The following POLE variants were observed in gnomAD, a reference collection of about 807,000 sequenced individuals.
The protein encoded by POLE is DNA polymerase epsilon, catalytic subunit.
In POLE, 188 loss-of-function variants were observed where a neutral mutation model predicts 279.2. The observed-to-expected ratio is 0.67, with a 90% CI of 0.60 to 0.76. The LOEUF is 0.76. Among genes scored for constraint, POLE ranks in the 30% least tolerant of loss-of-function variants. POLE has a pLI of 0.00. For synonymous variants in POLE, 1,214 were observed against 1,172.5 expected, an observed-to-expected ratio of 1.04 and a Z score of -0.72; for missense variants, 2,703 against 3,016.7, an observed-to-expected ratio of 0.90 and a Z score of 2.44.
chr12:132,657,717 A>G (rs2138661692), intron 27 of POLE, 151 bp downstream of exon 27: 1 of 689,882 alleles, frequency 1.4e-6, no homozygotes, highest in East Asian at 2.5e-5. Flanking sequence ...TTGCCCTAAA[A>G]GGTTATTAGG....
chr12:132,675,354 C>T lies in POLE; in HGVS notation c.1226+44G>A, dbSNP rs79883120. The T allele has an allele frequency of 2.7e-4, 425 of 1,602,732 alleles. 5 individuals are homozygous for T. The East Asian group carries it at 9.4e-3, about 36-fold the overall frequency. ...GTCTGCAAGAGGCCTTCAGATCTCG[C>T]TCACGGACAGCAGTGAGGAGCCATG... On this transcript the variant is annotated intron_variant, in intron 12 of 48. Coordinates refer to ENST00000320574, the MANE Select transcript of POLE (RefSeq NM_006231.4). This position sits in a 1 kb window ranked among gnomAD's most constrained non-coding sequence, Gnocchi z 4.3.
chr12:132,639,440 C>G lies in POLE; in HGVS notation c.5379-142G>C, dbSNP rs2042097979. 3 of 685,784 alleles carry G rather than the reference C, an allele frequency of 4.4e-6. No homozygotes were observed. Among genetic ancestry groups the G allele is most frequent in the Non-Finnish European group, 7.4e-6 (3 of 403,312 alleles). 42.5% of individuals were successfully genotyped at this position (685,784 alleles called of 1,614,324 possible). A position where few individuals can be genotyped will look rare whatever the true frequency, so the allele number is the denominator to read the frequency against. On this transcript the variant is annotated intron_variant, in intron 39 of 48. Coordinates refer to ENST00000320574, the MANE Select transcript of POLE (RefSeq NM_006231.4). This position sits in a 1 kb window ranked among gnomAD's most constrained non-coding sequence, Gnocchi z 4.7. ...CACTGTCGCCTCCCCTTCTCACTGT[C>G]CCCACCTTAAGTCACGGTCCAAATT...
In POLE at chr12:132,668,887, C is replaced by A. The variant is rs764558974; in HGVS notation, c.1847G>T (p.Arg616Leu). 3.7e-6 allele frequency: 6 copies of A among 1,613,970 alleles called. No homozygotes were observed. Among genetic ancestry groups the A allele is most frequent in the South Asian group, 1.1e-5 (1 of 91,074 alleles). Residue 616 changes from arginine to leucine, a missense_variant, in exon 17 of 49, where the codon CGC becomes CTC. Physicochemically the swap from Arg to Leu is moderately radical, Grantham distance 102 (BLOSUM62 -2). Transcript: ENST00000320574. This position sits in a 1 kb window ranked among gnomAD's most constrained non-coding sequence, Gnocchi z 4.0. ...KLASLKDVPS[R>L]IECPLIYHLD... Reference sequence around the variant, plus strand: ...GTGGTAGATGAGTGGACACTCGATGCGGCTGGGAACGTCCTTCAGGGAGGC... The same window carrying A: ...GTGGTAGATGAGTGGACACTCGATGAGGCTGGGAACGTCCTTCAGGGAGGC...
intron 21 of POLE, 151 bp downstream of exon 21, chr12:132,665,151 C>T: frequency 1.2e-6 from 1 of 848,236 alleles, no homozygotes; most frequent in Non-Finnish European, 1.8e-6. Context: ...TTCAACCTCC[C>T]AGCCCCACCC....
At chr12:132,638,160 C>T in intron 40 of POLE, 21 bp from the exon 41 acceptor site, 1 of 1,612,082 alleles carries the variant, frequency 6.2e-7, no homozygotes, top group East Asian at 2.2e-5. Flanking sequence ...AGTTGAGAGT[C>T]CGTGGTGGAG....
intron 45 of POLE, among the ~76,000 whole-genome samples, chr12:132,630,673 C>T (rs576295185): frequency 1.4e-3 from 215 of 152,254 alleles, no homozygotes; most frequent in African/African-American, 4.9e-3. Context: ...GAGCTGAGAT[C>T]GCGCCACTGC....
rs5744758 is a variant in POLE, at chr12:132,676,609, G to C, written c.846C>G (p.Pro282=). ...LAFDIETTKL[P]LKFPDAETDQ... ...CTGTCTCAGCATCAGGAAACTTGAG[G>C]GGCAGTTTGGTCGTCTCAATGTCAA... Residue 282 remains proline (P), a synonymous_variant, in exon 9 of 49, where the codon CCC becomes CCG. Transcript: ENST00000320574. 6.2e-7 allele frequency: 1 copy of C among 1,613,936 alleles called. No homozygotes were observed.
chr12:132,657,359 G>A lies in POLE; in HGVS notation c.3449C>T (p.Ala1150Val), dbSNP rs2042567693. ...TGACCCCGCCCTTACCTGCTGCAGG[G>A]CCGCAGGGATGGTGATGATCTTCTG... ...AIQKIITIPA[A>V]LQQVKNPVPR... The change falls in exon 28 of 49, where the codon GCC becomes GTC. Residue 1150 changes from alanine to valine, a missense_variant. Physicochemically the swap from Ala to Val is moderately conservative, Grantham distance 64 (BLOSUM62 0). This residue lies in a region of POLE where 1,551 missense variants were observed against 1,686.1 expected (regional missense o/e 0.92). Coordinates refer to ENST00000320574, the MANE Select transcript of POLE (RefSeq NM_006231.4). 1 of 1,613,976 alleles carries A rather than the reference G, an allele frequency of 6.2e-7. No individual in the cohort carries two copies. The highest frequency in any genetic ancestry group is 8.5e-7 in the Non-Finnish European group (1 of 1,180,012).
At chr12:132,669,754 T>C (rs1255361945) in intron 16 of POLE, among the ~76,000 whole-genome samples, 8 of 152,316 alleles carry the variant, frequency 5.3e-5, no homozygotes, top group Admixed American at 4.6e-4. Flanking sequence ...CAAGTTTCCA[T>C]GGTGGGGACA....
At position 132,667,498 on chromosome 12, in the gene POLE, C is replaced by T. The variant is rs1593789825; in HGVS notation, c.2319+5G>A. On this transcript the variant is annotated splice_donor_5th_base_variant and intron_variant, in intron 20 of 48. Coordinates refer to ENST00000320574, the MANE Select transcript of POLE (RefSeq NM_006231.4). ...GGCCAAAGCTTGCAGCCCCTCAGAG[C>T]TCACCTTGTGGAGCCCTTTGAACTC... 6.2e-7 allele frequency: 1 copy of T among 1,613,996 alleles called. No homozygotes were observed. Among genetic ancestry groups the T allele is most frequent in the Non-Finnish European group, 8.5e-7 (1 of 1,179,868 alleles).
chr12:132,669,100 T>C (rs1289407454), intron 16 of POLE, among the ~76,000 whole-genome samples, 161 bp from the exon 17 acceptor site: 3 of 152,188 alleles, frequency 2.0e-5, no homozygotes, highest in Non-Finnish European at 4.4e-5. Context: ...TGCCATCATT[T>C]CTATGAAATA....
chr12:132,654,154 T>C (rs1384451010), intron 29 of POLE, among the ~76,000 whole-genome samples: 4 of 151,948 alleles, frequency 2.6e-5, no homozygotes, highest in African/African-American at 7.3e-5. Context: ...GGTTACCAAA[T>C]GAGCTAAGGG....
chr12:132,668,566 T>A lies in POLE; in HGVS notation c.2027-64A>T, dbSNP rs2042849732. 1 of 1,570,340 alleles carries A rather than the reference T, an allele frequency of 6.4e-7. No homozygotes were observed. Among genetic ancestry groups the A allele is most frequent in the South Asian group, 1.1e-5 (1 of 87,132 alleles). ...ACAGACACACCGGCTTCCCACCAAG[T>A]GGAGAAAGGCGGCCGACACTCACCC... On this transcript the variant is annotated intron_variant, in intron 18 of 48. Transcript: ENST00000320574. This position sits in a 1 kb window ranked among gnomAD's most constrained non-coding sequence, Gnocchi z 4.0.
rs2042676598 is a variant in POLE at position 132,661,325 on chromosome 12, A to T, written c.2865-161T>A. 6.6e-6 allele frequency among the ~76,000 whole-genome samples: 1 copy of T among 152,164 alleles called. No homozygotes were observed. The highest frequency in any genetic ancestry group is 1.5e-5 in the Non-Finnish European group (1 of 68,026). ...TCCCTTAGGCCACTGCTTCTCTAAA[A>T]GGAAAATGGCTGAAGGGCCTGCAGC... On this transcript the variant is annotated intron_variant, in intron 24 of 48. Transcript: ENST00000320574. The surrounding 1 kb of genome is among the most constrained non-coding windows in gnomAD (Gnocchi z 4.1).
intron 41 of POLE, 25 bp from the exon 42 acceptor site, chr12:132,636,049 T>A (rs2138487837): frequency 6.2e-7 from 1 of 1,602,508 alleles, no homozygotes; most frequent in Non-Finnish European, 8.5e-7. Flanking sequence ...TTGAAGACGC[T>A]GCTTCAGTGA....
Position 132,664,034 on chromosome 12 carries a change from G to A in POLE, c.2676C>T (p.Tyr892=), listed in dbSNP as rs878854853. ...CCATGATGTTCAACATGGCGCCTGG[G>A]TAGGAGATGGTCACTTTGGGCTTCT... ...NVKKPKVTIS[Y]PGAMLNIMVK... The change falls in exon 23 of 49, where the codon TAC becomes TAT. Residue 892 remains tyrosine (Y), a synonymous_variant. Transcript: ENST00000320574. This position sits in a 1 kb window ranked among gnomAD's most constrained non-coding sequence, Gnocchi z 5.3. The A allele has an allele frequency of 2.5e-6, 4 of 1,614,186 alleles. No homozygotes were observed. The highest frequency in any genetic ancestry group is 3.4e-6 in the Non-Finnish European group (4 of 1,180,028).
At chr12:132,687,141 G>C (rs1440292335) in intron 1 of POLE, 113 bp downstream of exon 1, 1 of 565,464 alleles carries the variant, frequency 1.8e-6, no homozygotes, top group Non-Finnish European at 2.5e-6. Flanking sequence ...CGCGGCGAGT[G>C]CGGGCGGCTG....
At chr12:132,681,335 CT>C in intron 1 of POLE, 56 bp from the exon 2 acceptor site, 16 of 1,552,344 alleles carry the variant, frequency 1.0e-5, no homozygotes, top group Admixed American at 9.7e-5. Context: ...GCTGCTGCTT[CT>C]TTTTTTCTTT....
intron 16 of POLE, among the ~76,000 whole-genome samples, chr12:132,669,155 C>G (rs115647860): frequency 6.6e-6 from 1 of 152,098 alleles, no homozygotes; most frequent in Non-Finnish European, 1.5e-5. Flanking sequence ...GAACACTAAA[C>G]TCTCCTTAGT....
Sources: gnomAD v4.1 joint callset for allele counts (sites outside exome capture counted in the v4.1 genomes callset) on GRCh38, gnomAD v4.1.1 for gene constraint, gnomAD v4.1.1 regional missense constraint, Gnocchi (gnomAD v3.1) non-coding constraint, MANE v1.5 for transcripts, NCBI Gene and HGNC (gene_info 2026-07-23, HGNC 2026-07-21) for gene names.